The following RPN1 variants were observed in gnomAD, a reference collection of about 807,000 sequenced individuals.
RPN1 encodes the protein ribophorin I, also known as dolichyl-diphosphooligosaccharide--protein glycosyltransferase subunit 1.
In RPN1, 12 loss-of-function variants were observed where a neutral mutation model predicts 55.5. The ratio of observed to expected loss-of-function variants is 0.22; its 90% CI spans 0.14 to 0.35. The LOEUF is 0.35. Among genes scored for constraint, RPN1 ranks in the 10% least tolerant of loss-of-function variants. RPN1 has a pLI of 1.00. For synonymous variants in RPN1, 317 were observed against 305.9 expected (o/e 1.04, Z -0.38); for missense variants, 679 against 761.3 (o/e 0.89, Z 1.27).
At chr3:128,649,531 A>G (rs1007155804) in intron 1 of RPN1, among the ~76,000 whole-genome samples, 3 of 152,260 alleles carry the variant, frequency 2.0e-5, no homozygotes, top group Non-Finnish European at 2.9e-5. Context: ...CCATCTTTAT[A>G]GCTCCATATT....
chr3:128,628,752 C>T (rs1194915789), intron 5 of RPN1, among the ~76,000 whole-genome samples: 2 of 151,846 alleles, frequency 1.3e-5, no homozygotes, highest in Admixed American at 6.6e-5. Context: ...GAGGCCAAGG[C>T]GAGCAGATCA....
chr3:128,639,514 C>CA (rs1394911828), intron 2 of RPN1, among the ~76,000 whole-genome samples: 1 of 149,814 alleles, frequency 6.7e-6, no homozygotes, highest in East Asian at 2.0e-4. Context: ...GAATGTTCAA[C>CA]AAAATGTTAA....
Position 128,620,212 on chromosome 3 carries a change from T to TAA in RPN1, c.*198_*199insTT. 2 of 394,754 alleles carry TAA rather than the reference T, an allele frequency of 5.1e-6. No individual in the cohort carries two copies. The highest frequency in any genetic ancestry group is 4.4e-6 in the Non-Finnish European group (1 of 226,370). The allele number at this position is 394,754 out of a possible 1,614,324, so 24.5% of individuals were successfully genotyped here. ...GGAGTTTTTTTAAAGTTTTCTTTTT[T>TAA]TAAAAAAAAAAAAAAAGAAAGTTAA... is the stretch of plus-strand genomic sequence containing the variant. On this transcript the variant is annotated 3_prime_UTR_variant, in exon 10 of 10. Coordinates refer to ENST00000296255, the MANE Select transcript of RPN1 (RefSeq NM_002950.4).
intron 8 of RPN1, among the ~76,000 whole-genome samples, chr3:128,623,995 ACACACACACG>A (rs1207685313): frequency 2.0e-5 from 3 of 151,832 alleles, no homozygotes; most frequent in African/African-American, 7.2e-5. Flanking sequence ...ATAATTACAC[ACACACACACG>A]CACACACACA....
chr3:128,622,498 C>T, intron 8 of RPN1, 89 bp from the exon 9 acceptor site: 1 of 1,527,886 alleles, frequency 6.5e-7, no homozygotes, highest in Non-Finnish European at 8.9e-7. Context: ...CCACCAGCAG[C>T]CATCCAAAAA....
intron 3 of RPN1, among the ~76,000 whole-genome samples, chr3:128,633,907 C>T (rs1032688696): frequency 3.3e-5 from 5 of 152,014 alleles, no homozygotes; most frequent in African/African-American, 9.7e-5. Context: ...CGCTTGAACC[C>T]GGGAGGCGGA....
intron 3 of RPN1, among the ~76,000 whole-genome samples, chr3:128,635,640 GATATATATATATATAT>G (rs1162489418): frequency 8.8e-6 from 1 of 114,082 alleles, no homozygotes; most frequent in African/African-American, 3.3e-5. Context: ...TATATATATA[GATATATATATATATAT>G]ATATATATAG....
rs920294633 is a variant in RPN1, at chr3:128,650,542, G to C, written c.259C>G (p.Gln87Glu). 3.9e-6 allele frequency: 6 copies of C among 1,539,742 alleles called. No individual in the cohort carries two copies. Among genetic ancestry groups the C allele is most frequent in the Non-Finnish European group, 5.2e-6 (6 of 1,144,526 alleles). The change falls in exon 1 of 10, where the codon CAG becomes GAG. Residue 87 changes from glutamine (Q) to glutamate (E), a missense_variant and splice_region_variant. Coordinates refer to ENST00000296255, the MANE Select transcript of RPN1 (RefSeq NM_002950.4). ...GGCGAGGGGTCGCCCACACTCACCT[G>C]CACGCCCAGGTGCGCCAGCCGGGCC... is the stretch of plus-strand genomic sequence containing the variant. ...LEARLAHLGV[Q>E]VKGEDEEENN...
At chr3:128,644,705 T>C (rs1452381609) in intron 2 of RPN1, 5 of 649,190 alleles carry the variant, frequency 7.7e-6, no homozygotes, top group African/African-American at 5.6e-5. Context: ...ACACCTGTAA[T>C]CCCAGCACTT....
chr3:128,638,129 A>C (rs2107718936), intron 2 of RPN1, 24 bp from the exon 3 acceptor site: 3 of 1,583,482 alleles, frequency 1.9e-6, no homozygotes, highest in Non-Finnish European at 1.7e-6. Context: ...AAGGCAAGAG[A>C]AGTAAGAGAG....
chr3:128,637,288 G>T (rs1334678441), intron 3 of RPN1, among the ~76,000 whole-genome samples: 2 of 152,042 alleles, frequency 1.3e-5, no homozygotes, highest in African/African-American at 4.8e-5. Flanking sequence ...AAAGAGGTAG[G>T]TTAATTATGG....
rs2069548962 is a variant in RPN1 at position 128,620,245 on chromosome 3, C to T, written c.*166G>A. 2.3e-6 allele frequency: 1 copy of T among 432,268 alleles called. No individual in the cohort carries two copies. The highest frequency in any genetic ancestry group is 3.6e-5 in the East Asian group (1 of 28,060). The allele number at this position is 432,268 out of a possible 1,614,324, so 26.8% of individuals were successfully genotyped here. A position where few individuals can be genotyped will look rare whatever the true frequency, so the allele number is the denominator to read the frequency against. On this transcript the variant is annotated 3_prime_UTR_variant, in exon 10 of 10. Transcript: ENST00000296255. Reference sequence around the variant, plus strand: ...AAAAAAAAAGAAAGTTAAGGACAAACGGCAAACTCACACTGCCTGACGCAG... The same window carrying T: ...AAAAAAAAAGAAAGTTAAGGACAAATGGCAAACTCACACTGCCTGACGCAG...
At chr3:128,639,269 A>G (rs1348782734) in intron 2 of RPN1, among the ~76,000 whole-genome samples, 1 of 151,868 alleles carries the variant, frequency 6.6e-6, no homozygotes, top group Non-Finnish European at 1.5e-5. Context: ...TGGCTAACAC[A>G]GTGAAAGCCC....
At chr3:128,641,034 GT>G (rs1348314630) in intron 2 of RPN1, 1 of 151,872 alleles carries the variant, frequency 6.6e-6, no homozygotes, top group Non-Finnish European at 1.5e-5. Context: ...GCTAATGAAG[GT>G]TTTTCAATCA....
intron 3 of RPN1, among the ~76,000 whole-genome samples, chr3:128,632,583 T>C (rs2069649685): frequency 6.6e-6 from 1 of 152,050 alleles, no homozygotes; most frequent in Non-Finnish European, 1.5e-5. Flanking sequence ...GTCTGCTAAG[T>C]TCTGACTTCA....
In RPN1 at chr3:128,650,805, G is replaced by T; in HGVS notation, c.-5C>A. 1 of 1,518,052 alleles carries T rather than the reference G, an allele frequency of 6.6e-7. No individual in the cohort carries two copies. The highest frequency in any genetic ancestry group is 8.8e-7 in the Non-Finnish European group (1 of 1,130,912). The allele number at this position is 1,518,052 out of a possible 1,614,324, so 94.0% of individuals were successfully genotyped here. ...GCCGGCGGCTGGCGCCTCCATGACCGGGAAGAGCAGTGCGCCAGGGCGGGT... is the reference window on the plus strand; with the variant it reads ...GCCGGCGGCTGGCGCCTCCATGACCTGGAAGAGCAGTGCGCCAGGGCGGGT... On this transcript the variant is annotated 5_prime_UTR_variant, in exon 1 of 10. Coordinates refer to ENST00000296255, the MANE Select transcript of RPN1 (RefSeq NM_002950.4).
At chr3:128,627,734 G>A (rs865931379) in intron 5 of RPN1, among the ~76,000 whole-genome samples, 6 of 90,394 alleles carry the variant, frequency 6.6e-5, no homozygotes, top group African/African-American at 2.2e-4. Context: ...TTGTGCCACC[G>A]TACTCCAGCC....
At position 128,620,343 on chromosome 3, in the gene RPN1, T is replaced by C. The variant is rs967073877; in HGVS notation, c.*68A>G. 8.7e-6 allele frequency: 13 copies of C among 1,488,258 alleles called. No homozygotes were observed. In the Admixed American group the frequency reaches 2.5e-4, roughly 29 times the overall value. The allele number at this position is 1,488,258 out of a possible 1,614,324, so 92.2% of individuals were successfully genotyped here. A position where few individuals can be genotyped will look rare whatever the true frequency, so the allele number is the denominator to read the frequency against. ...CTGGCCTCCATGCACAACCTCCCAC[T>C]ACCACCCAATCTGCCTGCCACAGCA... On this transcript the variant is annotated 3_prime_UTR_variant, in exon 10 of 10. Transcript: ENST00000296255.
intron 1 of RPN1, among the ~76,000 whole-genome samples, chr3:128,646,080 TA>T (rs1048560191): frequency 4.0e-5 from 6 of 151,064 alleles, no homozygotes; most frequent in African/African-American, 1.5e-4. Flanking sequence ...CCATCTCTAC[TA>T]AAAAAACAAA....
Sources: gnomAD v4.1 joint callset for allele counts (sites outside exome capture counted in the v4.1 genomes callset) on GRCh38, gnomAD v4.1.1 for gene constraint, MANE v1.5 for transcripts, NCBI Gene and HGNC (gene_info 2026-07-23, HGNC 2026-07-21) for gene names.